SPOPL: variants seen among roughly 807,000 people sequenced by gnomAD.
SPOPL encodes speckle type BTB/POZ protein like, also known as speckle-type POZ protein-like.
In SPOPL, 23 loss-of-function variants were observed where a neutral mutation model predicts 53.8. The observed-to-expected ratio is 0.43, with a 90% confidence interval of 0.31 to 0.61. SPOPL has a LOEUF of 0.61. Among genes scored for constraint, SPOPL ranks in the 20% least tolerant of loss-of-function variants. SPOPL has a pLI of 0.12. For synonymous variants in SPOPL, 164 were observed against 149.7 expected, an observed-to-expected ratio of 1.10 and a Z score of -0.70; for missense variants, 442 against 466.9, an observed-to-expected ratio of 0.95 and a Z score of 0.49.
At chr2:138,548,194 G>A (rs983116040) in intron 1 of SPOPL, among the ~76,000 whole-genome samples, 1 of 148,780 alleles carries the variant, frequency 6.7e-6, no homozygotes, top group African/African-American at 2.5e-5. Context: ...GGTAGAAAAC[G>A]TTATGGGTTC....
intron 8 of SPOPL, among the ~76,000 whole-genome samples, chr2:138,563,782 G>C (rs1226700068): frequency 6.6e-6 from 1 of 152,176 alleles, no homozygotes; most frequent in Non-Finnish European, 1.5e-5. Context: ...TTTTACCTAA[G>C]TGGAAAGAAA....
intron 4 of SPOPL, among the ~76,000 whole-genome samples, chr2:138,552,351 A>T (rs1383345873): frequency 3.9e-5 from 6 of 152,064 alleles, no homozygotes; most frequent in Non-Finnish European, 7.4e-5. Flanking sequence ...ACAATGGCCA[A>T]AATTGAGTAG....
intron 1 of SPOPL, among the ~76,000 whole-genome samples, chr2:138,532,295 G>A (rs978697810): frequency 2.0e-5 from 3 of 152,152 alleles, no homozygotes; most frequent in Non-Finnish European, 2.9e-5. Context: ...TCACCCCATG[G>A]CAGTGGCTCT....
At chr2:138,514,551 AAT>A (rs1273084304) in intron 1 of SPOPL, among the ~76,000 whole-genome samples, 2 of 152,312 alleles carry the variant, frequency 1.3e-5, no homozygotes, top group Admixed American at 1.3e-4. Flanking sequence ...ACTGCTTCAT[AAT>A]ATTCCACTGT....
chr2:138,518,928 G>C (rs1684501196), intron 1 of SPOPL, among the ~76,000 whole-genome samples: 1 of 152,152 alleles, frequency 6.6e-6, no homozygotes, highest in Non-Finnish European at 1.5e-5. Context: ...GTTTTATATT[G>C]ATACTCATAT....
chr2:138,517,756 C>T, intron 1 of SPOPL, among the ~76,000 whole-genome samples: 1 of 145,076 alleles, frequency 6.9e-6, no homozygotes, highest in East Asian at 2.1e-4. Flanking sequence ...AAAAAAAAAT[C>T]TGACCTAGGC....
intron 1 of SPOPL, among the ~76,000 whole-genome samples, chr2:138,547,455 G>T (rs930893658): frequency 3.3e-5 from 5 of 151,848 alleles, no homozygotes; most frequent in Non-Finnish European, 7.4e-5. Context: ...AATTATAATA[G>T]TATCTTTTTA....
intron 10 of SPOPL, among the ~76,000 whole-genome samples, chr2:138,567,942 C>T (rs765591015): frequency 5.9e-5 from 9 of 152,034 alleles, no homozygotes; most frequent in Non-Finnish European, 1.3e-4. Flanking sequence ...GTACAATAAG[C>T]AGTTCAATAT....
At chr2:138,566,450 T>A (rs899568139) in intron 10 of SPOPL, among the ~76,000 whole-genome samples, 3 of 152,180 alleles carry the variant, frequency 2.0e-5, no homozygotes, top group Non-Finnish European at 4.4e-5. Flanking sequence ...TATTCATCAA[T>A]AGATATTTAT....
At chr2:138,523,889 G>A (rs927586073) in intron 1 of SPOPL, among the ~76,000 whole-genome samples, 11 of 152,078 alleles carry the variant, frequency 7.2e-5, no homozygotes, top group African/African-American at 1.4e-4. Context: ...TTTTCCAGGC[G>A]CACGGTACAA....
intron 3 of SPOPL, 74 bp from the exon 4 acceptor site, chr2:138,550,826 TTTC>T: frequency 7.5e-6 from 11 of 1,465,488 alleles, no homozygotes; most frequent in East Asian, 2.5e-5. Flanking sequence ...TCTCTCTCTC[TTTC>T]TCTCTCTCTC....
intron 5 of SPOPL, among the ~76,000 whole-genome samples, chr2:138,554,000 AT>A (rs201897984): frequency 0.011 from 1,646 of 152,004 alleles, 33 homozygotes; most frequent in African/African-American, 0.037. Flanking sequence ...ATTTAATCCA[AT>A]TTTTAACAAA....
Position 138,556,675 on chromosome 2 carries a change from T to C in SPOPL, c.481-2347T>C. Among the ~76,000 whole-genome samples the C allele has an allele frequency of 2.0e-5, 3 of 152,304 alleles. No homozygotes were observed. In the South Asian group the frequency reaches 6.2e-4, roughly 32 times the overall value. ...AGTTATTAAAATTTTAGACATAACTTGATTAAAAACTTGATAAGATAGGAG... is the reference window on the plus strand; with the variant it reads ...AGTTATTAAAATTTTAGACATAACTCGATTAAAAACTTGATAAGATAGGAG... On this transcript the variant is annotated intron_variant, in intron 5 of 10. Coordinates refer to ENST00000280098, the MANE Select transcript of SPOPL (RefSeq NM_001001664.3).
chr2:138,550,785 T>C, intron 3 of SPOPL, 118 bp from the exon 4 acceptor site: 2 of 1,416,054 alleles, frequency 1.4e-6, no homozygotes, highest in Non-Finnish European at 1.9e-6. Context: ...AGGAGTGCTG[T>C]TTGTGACATT....
At chr2:138,518,163 A>G (rs900638191) in intron 1 of SPOPL, among the ~76,000 whole-genome samples, 22 of 152,038 alleles carry the variant, frequency 1.4e-4, no homozygotes, top group Admixed American at 1.4e-3. Context: ...AAAAAGAAAG[A>G]AAACTTTGGA....
intron 1 of SPOPL, among the ~76,000 whole-genome samples, chr2:138,532,593 A>ATTTTTTTTTTTTT (rs71301784): frequency 3.0e-4 from 34 of 111,834 alleles, no homozygotes; most frequent in African/African-American, 6.6e-4. Flanking sequence ...CGCCCGGCTA[A>ATTTTTTTTTTTTT]TTTTTTTTTT....
At chr2:138,509,886 T>TA (rs1307258486) in intron 1 of SPOPL, among the ~76,000 whole-genome samples, 1 of 152,172 alleles carries the variant, frequency 6.6e-6, no homozygotes, top group Admixed American at 6.5e-5. Flanking sequence ...TTCACAGCCC[T>TA]AAAAATCCTC....
intron 1 of SPOPL, among the ~76,000 whole-genome samples, chr2:138,502,610 T>C (rs1482518673): frequency 2.0e-5 from 3 of 152,118 alleles, no homozygotes; most frequent in African/African-American, 4.8e-5. Flanking sequence ...TAGGCAGAGT[T>C]CTCAGCTTCG....
chr2:138,504,980 A>T (rs1383168593), intron 1 of SPOPL, among the ~76,000 whole-genome samples: 3 of 152,234 alleles, frequency 2.0e-5, no homozygotes, highest in African/African-American at 7.2e-5. Flanking sequence ...CAGATTACTT[A>T]ACTTCTGCAA....
Sources: allele counts gnomAD v4.1 joint callset (sites outside exome capture counted in the v4.1 genomes callset), GRCh38; gene constraint gnomAD v4.1.1; transcripts MANE v1.5; gene names NCBI Gene and HGNC (gene_info 2026-07-23, HGNC 2026-07-21).